The following DDX47 variants were observed in gnomAD, a reference collection of about 807,000 sequenced individuals.
The protein encoded by DDX47 is DEAD-box helicase 47, also known as probable ATP-dependent RNA helicase DDX47.
In DDX47, 60 loss-of-function variants were observed where a neutral mutation model predicts 58.8. That is an observed-to-expected ratio of 1.02 (90% CI 0.83 to 1.26). DDX47 has a LOEUF of 1.26. Among genes scored for constraint, DDX47 ranks in the 50% most tolerant of loss-of-function variants. DDX47 has a pLI of 0.00. For missense variants in DDX47, 530 were observed against 573.2 expected, an observed-to-expected ratio of 0.92 and a Z score of 0.77; for synonymous variants, 197 against 204.6, an observed-to-expected ratio of 0.96 and a Z score of 0.32.
chr12:12,820,285 C>G (rs2136421243), intron 2 of DDX47: 1 of 152,346 alleles, frequency 6.6e-6, no homozygotes, highest in East Asian at 1.9e-4. Flanking sequence ...AACTGGCATG[C>G]ACTGTTAAGT....
At chr12:12,815,704 A>G (rs1471706607) in intron 2 of DDX47, among the ~76,000 whole-genome samples, 2 of 152,208 alleles carry the variant, frequency 1.3e-5, no homozygotes, top group African/African-American at 2.4e-5. Context: ...AAACATGGGC[A>G]TGTATGGAGA....
intron 10 of DDX47, 42 bp from the exon 11 acceptor site, chr12:12,827,204 G>T (rs753045725): frequency 1.2e-6 from 2 of 1,602,442 alleles, no homozygotes; most frequent in East Asian, 4.5e-5. Context: ...ACAGGCATTT[G>T]CGTTACCAGG....
In DDX47 at chr12:12,814,209, C is replaced by A. The variant is rs1862861653; in HGVS notation, c.166C>A (p.Pro56Thr). ...CACCAAGATCCAGATTGAAGCTATTCCTTTGGCCTTACAAGGTAGGTTGTA... is the reference window on the plus strand; with the variant it reads ...CACCAAGATCCAGATTGAAGCTATTACTTTGGCCTTACAAGGTAGGTTGTA... ...KPTKIQIEAI[P>T]LALQGRDIIG... The change falls in exon 2 of 12, where the codon CCT (proline) becomes ACT (threonine). Residue 56 changes from proline (P) to threonine (T), a missense_variant. By Grantham distance (38) the Pro-to-Thr change is conservative (BLOSUM62 -1). Coordinates refer to ENST00000358007, the MANE Select transcript of DDX47 (RefSeq NM_016355.4). 1 of 1,609,976 alleles carries A rather than the reference C, an allele frequency of 6.2e-7. No individual in the cohort carries two copies. Among genetic ancestry groups the A allele is most frequent in the South Asian group, 1.1e-5 (1 of 90,980 alleles).
At chr12:12,826,513 G>A (rs1204623591) in intron 10 of DDX47, among the ~76,000 whole-genome samples, 1 of 151,676 alleles carries the variant, frequency 6.6e-6, no homozygotes, top group Admixed American at 6.6e-5. Flanking sequence ...TGCAGTCTTG[G>A]CTAAGTGCAC....
At chr12:12,823,784 C>G in intron 7 of DDX47, 86 bp from the exon 8 acceptor site, 1 of 1,334,316 alleles carries the variant, frequency 7.5e-7, no homozygotes, top group Non-Finnish European at 1.0e-6. Flanking sequence ...CGACTATAGG[C>G]TTAGTCTTTA....
intron 6 of DDX47, 73 bp downstream of exon 6, chr12:12,822,805 GA>G: frequency 7.5e-7 from 1 of 1,327,504 alleles, no homozygotes; most frequent in Non-Finnish European, 1.1e-6. Context: ...TAACAATAAG[GA>G]AAAATAAATT....
At chr12:12,825,767 T>C (rs1328677842) in intron 9 of DDX47, among the ~76,000 whole-genome samples, 2 of 152,218 alleles carry the variant, frequency 1.3e-5, no homozygotes, top group Admixed American at 6.5e-5. Context: ...ATATGCTTTG[T>C]AGATTTATCT....
chr12:12,827,319 G>A lies in DDX47; in HGVS notation c.1180G>A (p.Asp394Asn). ...ACTACCAGGTTTTCCAACACAGGATGATGAGGTTATGATGCTGACAGAACG... is the reference window on the plus strand; with the variant it reads ...ACTACCAGGTTTTCCAACACAGGATAATGAGGTTATGATGCTGACAGAACG... ...KKLPGFPTQDDEVMMLTERVA... is the reference protein window; with the variant it reads ...KKLPGFPTQDNEVMMLTERVA... Residue 394 changes from aspartate (D) to asparagine (N), a missense_variant, in exon 11 of 12, where the codon GAT becomes AAT. Physicochemically the swap from Asp to Asn is conservative, Grantham distance 23. Coordinates refer to ENST00000358007, the MANE Select transcript of DDX47 (RefSeq NM_016355.4). The A allele has an allele frequency of 2.5e-6, 4 of 1,614,176 alleles. No individual in the cohort carries two copies. The highest frequency in any genetic ancestry group is 3.4e-6 in the Non-Finnish European group (4 of 1,180,018).
intron 9 of DDX47, chr12:12,824,935 A>G (rs564613383): frequency 5.3e-5 from 17 of 319,808 alleles, no homozygotes; most frequent in African/African-American, 3.4e-4. Flanking sequence ...TGATCTTGTC[A>G]CTGTCATTTC....
intron 1 of DDX47, among the ~76,000 whole-genome samples, chr12:12,813,851 T>C (rs894995320): frequency 5.3e-5 from 8 of 152,236 alleles, no homozygotes; most frequent in Non-Finnish European, 1.2e-4. Flanking sequence ...CATCTGTAAA[T>C]TGGGGATAGT....
intron 8 of DDX47, 95 bp from the exon 9 acceptor site, chr12:12,824,445 A>C: frequency 7.0e-7 from 1 of 1,430,858 alleles, no homozygotes; most frequent in Non-Finnish European, 9.5e-7. Context: ...ACCTTTAAAA[A>C]ATTTATGTCT....
chr12:12,818,427 A>G (rs1862927175), intron 2 of DDX47, among the ~76,000 whole-genome samples: 1 of 152,080 alleles, frequency 6.6e-6, no homozygotes, highest in African/African-American at 2.4e-5. Flanking sequence ...AGGCTGAGGC[A>G]GGGGAATGGC....
chr12:12,823,669 C>T, intron 7 of DDX47: 1 of 597,908 alleles, frequency 1.7e-6, no homozygotes, highest in South Asian at 2.1e-5. Context: ...GAGTACAGAT[C>T]TCCTGCCTGC....
At chr12:12,816,005 A>C (rs1275306277) in intron 2 of DDX47, among the ~76,000 whole-genome samples, 1 of 152,146 alleles carries the variant, frequency 6.6e-6, no homozygotes, top group Admixed American at 6.5e-5. Flanking sequence ...ATGTTGGAAA[A>C]AGAATCATTA....
intron 11 of DDX47, 149 bp downstream of exon 11, chr12:12,827,524 G>A (rs1247655512): frequency 2.1e-6 from 2 of 962,114 alleles, no homozygotes; most frequent in African/African-American, 1.6e-5. Flanking sequence ...AGAGATGGTA[G>A]GTAATTTGCA....
chr12:12,815,924 C>CT (rs1255416106), intron 2 of DDX47, among the ~76,000 whole-genome samples: 4 of 152,148 alleles, frequency 2.6e-5, no homozygotes, highest in East Asian at 3.9e-4. Context: ...GTCTGGGAAA[C>CT]CAATTAGTAG....
chr12:12,824,676 A>C lies in DDX47; in HGVS notation c.1034A>C (p.Lys345Thr). Residue 345 changes from lysine (K) to threonine (T), a missense_variant and splice_region_variant, in exon 9 of 12, where the codon AAG becomes ACG. Transcript: ENST00000358007. ...AACTTTGACATTCCTACCCATTCCA[A>C]GGTGAGTCCTATTGCTAACTTACCT... ...VVNFDIPTHS[K>T]DYIHRVGRTA... 6.2e-7 allele frequency: 1 copy of C among 1,613,822 alleles called. No homozygotes were observed. Among genetic ancestry groups the C allele is most frequent in the African/African-American group, 1.3e-5 (1 of 75,056 alleles).
At position 12,826,071 on chromosome 12, in the gene DDX47, G is replaced by A; in HGVS notation, c.1106+1G>A. On this transcript the variant is annotated splice_donor_variant, in intron 10 of 11. Coordinates refer to ENST00000358007, the MANE Select transcript of DDX47 (RefSeq NM_016355.4). LOFTEE classifies it high-confidence loss of function. Reference sequence around the variant, plus strand: ...GAAAGGCTATTACTTTTGTCACACAGTAAGTAAATCAGCTTTAGGGCCGAG... The same window carrying A: ...GAAAGGCTATTACTTTTGTCACACAATAAGTAAATCAGCTTTAGGGCCGAG... 1 of 1,613,182 alleles carries A rather than the reference G, an allele frequency of 6.2e-7. No individual in the cohort carries two copies. Among genetic ancestry groups the A allele is most frequent in the African/African-American group, 1.3e-5 (1 of 75,022 alleles).
chr12:12,816,217 A>G (rs1248743025), intron 2 of DDX47, among the ~76,000 whole-genome samples: 1 of 152,140 alleles, frequency 6.6e-6, no homozygotes, highest in Non-Finnish European at 1.5e-5. Flanking sequence ...TGGGAGGGGA[A>G]TGGGGAAATG....
Sources: gnomAD v4.1 joint callset for allele counts (sites outside exome capture counted in the v4.1 genomes callset) on GRCh38, gnomAD v4.1.1 for gene constraint, MANE v1.5 for transcripts, NCBI Gene and HGNC (gene_info 2026-07-23, HGNC 2026-07-21) for gene names.